ACOX3: variants seen among roughly 807,000 people sequenced by gnomAD.
ACOX3 encodes the protein acyl-CoA oxidase 3, pristanoyl, also known as peroxisomal acyl-coenzyme A oxidase 3.
ACOX3 carries 73 observed loss-of-function variants against 81.5 expected under a neutral mutation model. The ratio of observed to expected loss-of-function variants is 0.90; its 90% confidence interval spans 0.74 to 1.09. The LOEUF is 1.09. Among genes scored for constraint, ACOX3 ranks in the 50% least tolerant of loss-of-function variants. The pLI, the probability that ACOX3 is intolerant of heterozygous loss-of-function variation, is 0.00. For synonymous variants in ACOX3, 387 were observed against 375.1 expected, an observed-to-expected ratio of 1.03 and a Z score of -0.37; for missense variants, 947 against 928.0, an observed-to-expected ratio of 1.02 and a Z score of -0.27.
At chr4:8,438,110 C>T (rs552781283) in intron 1 of ACOX3, among the ~76,000 whole-genome samples, 12 of 152,324 alleles carry the variant, frequency 7.9e-5, no homozygotes, top group East Asian at 1.9e-4. Context: ...TGGAGGCTAT[C>T]GGTACATGCT....
downstream of ACOX3, among the ~76,000 whole-genome samples, chr4:8,365,509 G>C (rs1715355278): frequency 6.6e-6 from 1 of 152,206 alleles, no homozygotes; most frequent in Non-Finnish European, 1.5e-5. Flanking sequence ...AGGTCCCATG[G>C]CTTCTGGTCC....
In ACOX3 at chr4:8,370,851, C is replaced by T. The variant is rs146721450; in HGVS notation, c.1983+57G>A. On this transcript the variant is annotated intron_variant, in intron 17 of 17. Transcript: ENST00000356406. This position sits in a 1 kb window ranked among gnomAD's most constrained non-coding sequence, Gnocchi z 6.3. Reference sequence around the variant, plus strand: ...CTGACCCACAGGAGCATCTCAGCTCCGCAGAAATGCCCATCAACCCTTGGG... The same window carrying T: ...CTGACCCACAGGAGCATCTCAGCTCTGCAGAAATGCCCATCAACCCTTGGG... 8.7e-5 allele frequency: 131 copies of T among 1,508,092 alleles called. No homozygotes were observed. In the East Asian group the frequency reaches 2.6e-3, roughly 30 times the overall value. The allele number at this position is 1,508,092 out of a possible 1,614,324, so 93.4% of individuals were successfully genotyped here. A position where few individuals can be genotyped will look rare whatever the true frequency, so the allele number is the denominator to read the frequency against.
At chr4:8,377,655 C>T (rs906027280) in intron 14 of ACOX3, among the ~76,000 whole-genome samples, 1 of 152,176 alleles carries the variant, frequency 6.6e-6, no homozygotes, top group Non-Finnish European at 1.5e-5. Context: ...GAAAGGTCCA[C>T]GTAAGGCCAG....
chr4:8,355,718 T>C, the ACOX3 span: 1 of 152,190 alleles, frequency 6.6e-6, no homozygotes, highest in East Asian at 1.9e-4. Context: ...GCAGGTTACA[T>C]CAAAAAGGAA....
intron 15 of ACOX3, chr4:8,373,863 C>T (rs572774233): frequency 1.0e-4 from 57 of 572,030 alleles, no homozygotes; most frequent in South Asian, 9.1e-4. Context: ...CCCGCGGCAG[C>T]GAGGGAGGCA....
At position 8,367,009 on chromosome 4, in the gene ACOX3, C is replaced by T. The variant is rs1295496081; in HGVS notation, c.2055G>A (p.Glu685=). 11 of 1,614,142 alleles carry T rather than the reference C, an allele frequency of 6.8e-6. No individual in the cohort carries two copies. The highest frequency in any genetic ancestry group is 9.3e-6 in the Non-Finnish European group (11 of 1,180,010). The change falls in exon 18 of 18, where the codon GAG becomes GAA. Residue 685 remains glutamate, a synonymous_variant. Transcript: ENST00000356406. ...CTATGACAGGTTTGTTCACAGAAAA[C>T]TCTGGCCACCAGGATGCCCGCTCCA... is the stretch of plus-strand genomic sequence containing the variant. The part of the protein sequence containing the change: ...KVLERASWWP[E]FSVNKPVIGS...
In ACOX3 at chr4:8,439,608, T is replaced by TA. The variant is rs776919345; in HGVS notation, c.-15+1039dup. On this transcript the variant is annotated intron_variant, in intron 1 of 17. Transcript: ENST00000356406. Reference sequence around the variant, plus strand: ...TAGGAAAAAAGCTTTTAAGACCCAGTAAAAAAACTAACCTGCTTAGGACAT... The same window carrying TA: ...TAGGAAAAAAGCTTTTAAGACCCAGTAAAAAAAACTAACCTGCTTAGGACAT... Among the ~76,000 whole-genome samples the TA allele has an allele frequency of 4.1e-4, 63 of 152,252 alleles. 1 individual carries two copies. Among genetic ancestry groups the TA allele is most frequent in the Admixed American group, 6.5e-4 (10 of 15,282 alleles).
rs868318998 is a variant in ACOX3, at chr4:8,368,079, G to A, written c.1984-999C>T. On this transcript the variant is annotated intron_variant, in intron 17 of 17. Coordinates refer to ENST00000356406, the MANE Select transcript of ACOX3 (RefSeq NM_003501.3). The surrounding 1 kb of genome is among the most constrained non-coding windows in gnomAD (Gnocchi z 5.9). ...CCGCAGGATGCTGCAAGGCTGCATC[G>A]ACTGCTGCTCTGAAATCTGCTCTCA... Among the ~76,000 whole-genome samples, 48 of 151,940 alleles carry A rather than the reference G, an allele frequency of 3.2e-4. No individual in the cohort carries two copies. Among genetic ancestry groups the A allele is most frequent in the Non-Finnish European group, 4.4e-4 (30 of 68,008 alleles).
chr4:8,377,829 G>A (rs1038913933), intron 14 of ACOX3, among the ~76,000 whole-genome samples: 1 of 152,184 alleles, frequency 6.6e-6, no homozygotes, highest in Non-Finnish European at 1.5e-5. Context: ...AATGCCTCAG[G>A]TGCAGTCCCT....
chr4:8,418,016 A>G (rs1722528037), intron 1 of ACOX3, among the ~76,000 whole-genome samples: 1 of 152,230 alleles, frequency 6.6e-6, no homozygotes, highest in Non-Finnish European at 1.5e-5. Flanking sequence ...ACAGATCTAT[A>G]ATGACTGAAG....
intron 1 of ACOX3, among the ~76,000 whole-genome samples, chr4:8,440,122 C>T (rs2109063195): frequency 6.6e-6 from 1 of 152,366 alleles, no homozygotes; most frequent in South Asian, 2.1e-4. Context: ...ATGTAGCCCC[C>T]AGTCACGTTT....
chr4:8,381,373 G>C lies in ACOX3; in HGVS notation c.1653+119C>G. 1 of 832,246 alleles carries C rather than the reference G, an allele frequency of 1.2e-6. No individual in the cohort carries two copies. Among genetic ancestry groups the C allele is most frequent in the Non-Finnish European group, 2.0e-6 (1 of 512,062 alleles). 51.6% of individuals were successfully genotyped at this position (832,246 alleles called of 1,614,324 possible). A position where few individuals can be genotyped will look rare whatever the true frequency, so the allele number is the denominator to read the frequency against. ...AAAGTCATCAAGTCATCTGCCCAAG[G>C]TCACGGGAGCTCGGGGTCTGGGGCC... On this transcript the variant is annotated intron_variant, in intron 14 of 17. Coordinates refer to ENST00000356406, the MANE Select transcript of ACOX3 (RefSeq NM_003501.3). This position sits in a 1 kb window ranked among gnomAD's most constrained non-coding sequence, Gnocchi z 4.3.
At position 8,375,006 on chromosome 4, in the gene ACOX3, C is replaced by A. The variant is rs566537822; in HGVS notation, c.1800G>T (p.Leu600=). The change falls in exon 15 of 18, where the codon CTG becomes CTT. Residue 600 remains leucine, a synonymous_variant. Transcript: ENST00000356406. ...RLSALYALWS[L]SRHAALLYRG... Reference sequence around the variant, plus strand: ...GGTAGAGCAGGGCCGCGTGGCGGCTCAGGGACCACAGGGCGTACAGAGCAC... The same window carrying A: ...GGTAGAGCAGGGCCGCGTGGCGGCTAAGGGACCACAGGGCGTACAGAGCAC... The A allele has an allele frequency of 3.1e-5, 47 of 1,539,108 alleles. 1 individual carries two copies. In the African/African-American group the frequency reaches 6.3e-4, roughly 21 times the overall value.
intron 3 of ACOX3, among the ~76,000 whole-genome samples, chr4:8,415,358 T>C (rs745717760): frequency 7.2e-5 from 11 of 152,058 alleles, no homozygotes; most frequent in Non-Finnish European, 1.2e-4. Flanking sequence ...TCTGCTGGTA[T>C]GTTACAAAGG....
intron 1 of ACOX3, among the ~76,000 whole-genome samples, chr4:8,435,802 T>A (rs1168384916): frequency 6.6e-6 from 1 of 152,186 alleles, no homozygotes; most frequent in Non-Finnish European, 1.5e-5. Flanking sequence ...AAGCCAGTTT[T>A]GCAGGAGCCG....
chr4:8,376,151 TTTCTC>T (rs1275573711), intron 14 of ACOX3, among the ~76,000 whole-genome samples: 4 of 152,212 alleles, frequency 2.6e-5, no homozygotes, highest in Admixed American at 2.0e-4. Flanking sequence ...CTGTGTCACT[TTTCTC>T]TACAGCCTCG....
intron 1 of ACOX3, among the ~76,000 whole-genome samples, chr4:8,435,549 C>T (rs563826695): frequency 5.3e-5 from 8 of 151,896 alleles, no homozygotes; most frequent in Non-Finnish European, 7.4e-5. Context: ...GATGGCCCAC[C>T]GAAGGAACTA....
intron 6 of ACOX3, among the ~76,000 whole-genome samples, chr4:8,408,904 TGGGGGGG>T (rs1560193656): frequency 3.3e-5 from 1 of 30,538 alleles, no homozygotes; most frequent in Non-Finnish European, 5.6e-5. Flanking sequence ...GGGGGGGGGG[TGGGGGGG>T]GGGTGGGGGC....
At chr4:8,424,697 C>G (rs1452958815) in intron 1 of ACOX3, among the ~76,000 whole-genome samples, 1 of 152,226 alleles carries the variant, frequency 6.6e-6, no homozygotes, top group Non-Finnish European at 1.5e-5. Flanking sequence ...CGCACTCGTG[C>G]AACTCTTAAT....
Sources: allele counts gnomAD v4.1 joint callset (sites outside exome capture counted in the v4.1 genomes callset), GRCh38; gene constraint gnomAD v4.1.1; non-coding constraint Gnocchi (gnomAD v3.1); transcripts MANE v1.5; gene names NCBI Gene and HGNC (gene_info 2026-07-23, HGNC 2026-07-21).